The following AKAP10 variants were observed in gnomAD, a reference collection of about 807,000 sequenced individuals.
The protein encoded by AKAP10 is A-kinase anchoring protein 10, also known as A-kinase anchor protein 10, mitochondrial.
In AKAP10, 24 loss-of-function variants were observed where a neutral mutation model predicts 80.8. The ratio of observed to expected loss-of-function variants is 0.30; its 90% CI spans 0.22 to 0.42. AKAP10 has a LOEUF of 0.42. Among genes scored for constraint, AKAP10 ranks in the 10% least tolerant of loss-of-function variants. The pLI is 1.00. For synonymous variants in AKAP10, 291 were observed against 277.7 expected (o/e 1.05, Z -0.48); for missense variants, 661 against 794.9 (o/e 0.83, Z 2.03).
At chr17:19,957,048 C>A (rs901834987) in intron 4 of AKAP10, among the ~76,000 whole-genome samples, 12 of 151,854 alleles carry the variant, frequency 7.9e-5, no homozygotes, top group African/African-American at 2.9e-4. Context: ...CTTTAAGACA[C>A]AAAGAACATT....
chr17:19,921,670 A>AT (rs142271448), intron 11 of AKAP10, among the ~76,000 whole-genome samples: 1 of 150,860 alleles, frequency 6.6e-6, no homozygotes, highest in African/African-American at 2.4e-5. Context: ...ACTTCATTTC[A>AT]TTTTTTTTCA....
intron 10 of AKAP10, among the ~76,000 whole-genome samples, chr17:19,926,726 G>T (rs1183841948): frequency 6.6e-6 from 1 of 152,152 alleles, no homozygotes. Flanking sequence ...GAGGTGAAAG[G>T]CTTCTACTCT....
intron 12 of AKAP10, among the ~76,000 whole-genome samples, chr17:19,917,674 C>G (rs2042760507): frequency 6.6e-6 from 1 of 152,184 alleles, no homozygotes; most frequent in Non-Finnish European, 1.5e-5. Flanking sequence ...CAAGCTCACG[C>G]CTGTAAGCCC....
At chr17:19,947,067 G>A (rs1018989559) in intron 5 of AKAP10, 3 of 229,338 alleles carry the variant, frequency 1.3e-5, no homozygotes, top group Non-Finnish European at 2.6e-5. Context: ...TTTCTGTCCC[G>A]CCCACTTCGT....
At position 19,940,489 on chromosome 17, in the gene AKAP10, G is replaced by A. The variant is rs2043040481; in HGVS notation, c.1185+398C>T. 2.0e-5 allele frequency among the ~76,000 whole-genome samples: 3 copies of A among 152,100 alleles called. No homozygotes were observed. In the South Asian group the frequency reaches 6.2e-4, roughly 32 times the overall value. ...TCTGTTGCAAATGCTTCTTCACTGGGCAATCCTATCAAGTGACTAAAGTAA... is the reference window on the plus strand; with the variant it reads ...TCTGTTGCAAATGCTTCTTCACTGGACAATCCTATCAAGTGACTAAAGTAA... On this transcript the variant is annotated intron_variant, in intron 7 of 14. Coordinates refer to ENST00000225737, the MANE Select transcript of AKAP10 (RefSeq NM_007202.4).
At chr17:19,939,906 T>A in intron 7 of AKAP10, 57 bp from the exon 8 acceptor site, 1 of 1,543,648 alleles carries the variant, frequency 6.5e-7, no homozygotes. Flanking sequence ...TCTCTCACAA[T>A]CTCTAATCTA....
At chr17:19,951,258 G>C (rs1485528948) in intron 4 of AKAP10, among the ~76,000 whole-genome samples, 1 of 138,830 alleles carries the variant, frequency 7.2e-6, no homozygotes, top group Admixed American at 7.3e-5. Context: ...CCGGCCAGCC[G>C]CCCCATCCGG....
intron 12 of AKAP10, among the ~76,000 whole-genome samples, chr17:19,912,291 CT>C (rs1320053929): frequency 6.6e-6 from 1 of 152,164 alleles, no homozygotes; most frequent in Non-Finnish European, 1.5e-5. Flanking sequence ...AATCCCAGCA[CT>C]TTGGGAAACT....
chr17:19,964,952 T>G (rs2043398670), intron 2 of AKAP10, among the ~76,000 whole-genome samples: 1 of 152,188 alleles, frequency 6.6e-6, no homozygotes, highest in Non-Finnish European at 1.5e-5. Flanking sequence ...GGAAACATCT[T>G]ACTCACACCC....
chr17:19,951,322 G>T (rs1323628481), intron 4 of AKAP10, among the ~76,000 whole-genome samples: 2 of 150,040 alleles, frequency 1.3e-5, no homozygotes, highest in Non-Finnish European at 3.0e-5. Context: ...GGAGGTGGGG[G>T]GCGCCTCTGC....
At chr17:19,914,405 C>T (rs536709855) in intron 12 of AKAP10, among the ~76,000 whole-genome samples, 9 of 152,036 alleles carry the variant, frequency 5.9e-5, no homozygotes, top group African/African-American at 2.2e-4. Context: ...AATCCCAATA[C>T]TTTGGGAGGC....
chr17:19,946,273 ATATTTT>A lies in AKAP10; in HGVS notation c.976+1128_976+1133del, dbSNP rs1308266865. On this transcript the variant is annotated intron_variant, in intron 5 of 14. Coordinates refer to ENST00000225737, the MANE Select transcript of AKAP10 (RefSeq NM_007202.4). Reference sequence around the variant, plus strand: ...TATATATATATATATATATATATATATATTTTTTTTTTTTTTTTTTTTTTTTGGCAG... The same window carrying A: ...TATATATATATATATATATATATATATTTTTTTTTTTTTTTTTTTTGGCAG... Among the ~76,000 whole-genome samples the A allele has an allele frequency of 9.0e-3, 178 of 19,796 alleles. 9 individuals are homozygous for A. Among genetic ancestry groups the A allele is most frequent in the African/African-American group, 0.032 (159 of 5,004 alleles). 13.0% of individuals were successfully genotyped at this position (19,796 alleles called of 152,430 possible). A position where few individuals can be genotyped will look rare whatever the true frequency, so the allele number is the denominator to read the frequency against.
chr17:19,946,944 C>T (rs1421104260), intron 5 of AKAP10, among the ~76,000 whole-genome samples: 2 of 152,236 alleles, frequency 1.3e-5, no homozygotes, highest in Non-Finnish European at 1.5e-5. Context: ...ACCACTGAGA[C>T]ACCTGTCTGG....
At chr17:19,946,657 CTT>C (rs35156168) in intron 5 of AKAP10, among the ~76,000 whole-genome samples, 67 of 111,106 alleles carry the variant, frequency 6.0e-4, no homozygotes, top group Middle Eastern at 5.2e-3. Context: ...ATAAGAAAAA[CTT>C]TTTTTTTTTT....
At chr17:19,950,459 G>A (rs1295297662) in intron 4 of AKAP10, among the ~76,000 whole-genome samples, 4 of 152,208 alleles carry the variant, frequency 2.6e-5, no homozygotes, top group Non-Finnish European at 4.4e-5. Flanking sequence ...GCAGGCGCAC[G>A]CCGCCACACC....
intron 10 of AKAP10, among the ~76,000 whole-genome samples, chr17:19,929,999 C>CAAA (rs11365343): frequency 2.4e-5 from 2 of 81,850 alleles, no homozygotes; most frequent in African/African-American, 4.1e-5. Context: ...CAACAAAAAC[C>CAAA]AAAAAAAAAA....
chr17:19,943,304 A>G (rs2043068964), intron 5 of AKAP10, among the ~76,000 whole-genome samples: 1 of 152,200 alleles, frequency 6.6e-6, no homozygotes, highest in Non-Finnish European at 1.5e-5. Flanking sequence ...ATGAGGGCTA[A>G]TCACCAGAAA....
intron 1 of AKAP10, among the ~76,000 whole-genome samples, chr17:19,972,960 A>G (rs550403318): frequency 9.7e-4 from 147 of 152,190 alleles, no homozygotes; most frequent in Non-Finnish European, 1.7e-3. Flanking sequence ...GGCAAACTAC[A>G]GCCCATGGGC....
chr17:19,966,811 T>A (rs948106945), intron 2 of AKAP10, among the ~76,000 whole-genome samples: 1 of 152,164 alleles, frequency 6.6e-6, no homozygotes, highest in African/African-American at 2.4e-5. Context: ...CTGAAACATC[T>A]AAGTTCCTTC....
Sources: gnomAD v4.1 joint callset for allele counts (sites outside exome capture counted in the v4.1 genomes callset) on GRCh38, gnomAD v4.1.1 for gene constraint, MANE v1.5 for transcripts, NCBI Gene and HGNC (gene_info 2026-07-23, HGNC 2026-07-21) for gene names.